Variants in CTNNAL1 observed in about 807,000 individuals in gnomAD.
CTNNAL1 encodes catenin alpha like 1, also known as alpha-catulin.
A neutral mutation model predicts 93.6 loss-of-function variants in CTNNAL1; 69 were observed. The ratio of observed to expected loss-of-function variants is 0.74; its 90% CI spans 0.61 to 0.90. The LOEUF is 0.90. CTNNAL1 is among the 40% of genes least tolerant of loss of function. The pLI is 0.00. For synonymous variants in CTNNAL1, 286 were observed against 305.4 expected (o/e 0.94, Z 0.66); for missense variants, 836 against 862.0 (o/e 0.97, Z 0.38).
intron 10 of CTNNAL1, among the ~76,000 whole-genome samples, chr9:108,966,601 T>A (rs931528190): frequency 6.6e-6 from 1 of 152,108 alleles, no homozygotes; most frequent in East Asian, 1.9e-4. Flanking sequence ...GGGGACCGGA[T>A]TGCCAAGAGG....
intron 11 of CTNNAL1, among the ~76,000 whole-genome samples, chr9:108,962,700 T>C (rs1040379562): frequency 4.6e-5 from 7 of 152,196 alleles, no homozygotes; most frequent in African/African-American, 1.7e-4. Flanking sequence ...TTGGACCTAA[T>C]GTTTTCTCAT....
intron 1 of CTNNAL1, among the ~76,000 whole-genome samples, chr9:109,007,696 T>C (rs1284939459): frequency 6.6e-6 from 1 of 152,184 alleles, no homozygotes; most frequent in Non-Finnish European, 1.5e-5. Flanking sequence ...CATATGAGTA[T>C]ATATAACATA....
At chr9:108,981,488 A>AC (rs1252108446) in intron 6 of CTNNAL1, among the ~76,000 whole-genome samples, 16 of 151,426 alleles carry the variant, frequency 1.1e-4, no homozygotes, top group East Asian at 3.9e-4. Context: ...AAAAAACAAA[A>AC]AAAAAAAAAA....
At chr9:108,973,596 T>C (rs370554365) in intron 8 of CTNNAL1, among the ~76,000 whole-genome samples, 35 of 152,008 alleles carry the variant, frequency 2.3e-4, no homozygotes, top group East Asian at 1.2e-3. Context: ...CATGGTTTTA[T>C]TGACTTTGTG....
At chr9:108,982,205 A>G (rs1379476115) in intron 6 of CTNNAL1, among the ~76,000 whole-genome samples, 1 of 151,922 alleles carries the variant, frequency 6.6e-6, no homozygotes, top group Non-Finnish European at 1.5e-5. Context: ...TCAAATCCCA[A>G]CTCTGGTACT....
Position 108,972,751 on chromosome 9 carries a change from G to C in CTNNAL1, c.1271C>G (p.Thr424Ser), listed in dbSNP as rs16913734. 8,138 of 1,563,000 alleles carry C rather than the reference G, an allele frequency of 5.2e-3. 396 individuals carry two copies. The African/African-American group carries it at 0.1, about 20-fold the overall frequency. ...AGCTTCTAAATTTCCTTCTACTCCAGTAAGTTTTAATGCTTTTAGAACCAC... is the reference window on the plus strand; with the variant it reads ...AGCTTCTAAATTTCCTTCTACTCCACTAAGTTTTAATGCTTTTAGAACCAC... ...DHVVLKALKL[T>S]GVEGNLEALA... is the part of the protein sequence containing the mutation. The change falls in exon 9 of 19, where the codon ACT becomes AGT. Residue 424 changes from threonine (T) to serine (S), a missense_variant. By Grantham distance (58) the Thr-to-Ser change is moderately conservative. Coordinates refer to ENST00000325551, the MANE Select transcript of CTNNAL1 (RefSeq NM_003798.4).
In CTNNAL1 at chr9:108,960,236, T is replaced by A. The variant is rs543640753; in HGVS notation, c.1592-4409A>T. Among the ~76,000 whole-genome samples the A allele has an allele frequency of 5.3e-5, 8 of 152,222 alleles. No individual in the cohort carries two copies. The South Asian group carries it at 1.7e-3, about 32-fold the overall frequency. On this transcript the variant is annotated intron_variant, in intron 11 of 18. Coordinates refer to ENST00000325551, the MANE Select transcript of CTNNAL1 (RefSeq NM_003798.4). ...AACCCAGCTATCATCCTCCAACTCC[T>A]CCCTCTCCCTCACCTCTATATTCAA... is the stretch of plus-strand genomic sequence containing the variant.
intron 3 of CTNNAL1, among the ~76,000 whole-genome samples, chr9:108,991,478 T>C (rs1831803020): frequency 6.6e-6 from 1 of 152,180 alleles, no homozygotes; most frequent in Admixed American, 6.6e-5. Context: ...ATGTGAAACA[T>C]ATTTTCAAAT....
chr9:108,988,093 C>T (rs573093374), intron 4 of CTNNAL1, among the ~76,000 whole-genome samples: 1 of 152,298 alleles, frequency 6.6e-6, no homozygotes, highest in African/African-American at 2.4e-5. Flanking sequence ...CTGCCACTTT[C>T]TTTTCCTTTT....
chr9:108,950,065 C>G (rs1449303550), intron 14 of CTNNAL1, among the ~76,000 whole-genome samples: 1 of 151,614 alleles, frequency 6.6e-6, no homozygotes, highest in Non-Finnish European at 1.5e-5. Flanking sequence ...ATTGATGAAC[C>G]CTTCATTTGG....
chr9:108,979,616 C>A, intron 6 of CTNNAL1, 135 bp from the exon 7 acceptor site: 1 of 762,290 alleles, frequency 1.3e-6, no homozygotes, highest in Non-Finnish European at 2.1e-6. Context: ...ATACAGCCAC[C>A]AATGATATCT....
chr9:108,968,715 AGAT>A (rs1831025944), intron 10 of CTNNAL1, among the ~76,000 whole-genome samples: 2 of 152,158 alleles, frequency 1.3e-5, no homozygotes, highest in Admixed American at 1.3e-4. Flanking sequence ...GGAGAGCATG[AGAT>A]CATCCCTCCA....
intron 1 of CTNNAL1, among the ~76,000 whole-genome samples, chr9:109,011,885 A>T (rs13298597): frequency 0.084 from 12,850 of 152,320 alleles, 629 homozygotes; most frequent in East Asian, 0.12. Flanking sequence ...GGTGTTATTT[A>T]AAAAATGGAT....
At chr9:108,979,150 AG>A in intron 7 of CTNNAL1, 130 bp downstream of exon 7, 1 of 1,150,292 alleles carries the variant, frequency 8.7e-7, no homozygotes, top group Non-Finnish European at 1.2e-6. Flanking sequence ...GAGGGAAAGA[AG>A]GGATGAGATA....
intron 14 of CTNNAL1, among the ~76,000 whole-genome samples, chr9:108,951,687 G>C (rs993195474): frequency 6.6e-6 from 1 of 152,140 alleles, no homozygotes; most frequent in African/African-American, 2.4e-5. Flanking sequence ...CAAGGCATTT[G>C]ATCAAGAGTC....
intron 2 of CTNNAL1, among the ~76,000 whole-genome samples, chr9:108,997,925 A>G (rs1413576425): frequency 6.6e-6 from 1 of 152,194 alleles, no homozygotes; most frequent in Non-Finnish European, 1.5e-5. Context: ...TATTTTCTAT[A>G]CAGGAGCCAC....
At chr9:108,949,940 C>G (rs1830510395) in intron 14 of CTNNAL1, among the ~76,000 whole-genome samples, 1 of 150,620 alleles carries the variant, frequency 6.6e-6, no homozygotes, top group Non-Finnish European at 1.5e-5. Context: ...ATGAGAATTG[C>G]TTGAACTCAG....
intron 11 of CTNNAL1, among the ~76,000 whole-genome samples, chr9:108,961,377 C>T (rs1342806874): frequency 6.6e-6 from 1 of 152,140 alleles, no homozygotes; most frequent in Non-Finnish European, 1.5e-5. Context: ...AAGCTATGCT[C>T]ATGAGGTTCA....
intron 2 of CTNNAL1, among the ~76,000 whole-genome samples, chr9:108,993,712 T>A (rs1287917494): frequency 6.6e-6 from 1 of 152,226 alleles, no homozygotes; most frequent in African/African-American, 2.4e-5. Flanking sequence ...GTTAAAAAGA[T>A]TTTTAAAATA....
Sources: gnomAD v4.1 joint callset for allele counts (sites outside exome capture counted in the v4.1 genomes callset) on GRCh38, gnomAD v4.1.1 for gene constraint, MANE v1.5 for transcripts, NCBI Gene and HGNC (gene_info 2026-07-23, HGNC 2026-07-21) for gene names.